The following MRRF variants were observed in gnomAD, a reference collection of about 807,000 sequenced individuals.
MRRF encodes the protein mitochondrial ribosome recycling factor, also known as ribosome-recycling factor, mitochondrial.
In MRRF, 18 loss-of-function variants were observed where a neutral mutation model predicts 25.1. The observed-to-expected ratio is 0.72, with a 90% CI of 0.50 to 1.06. The LOEUF (loss-of-function observed/expected upper bound fraction) is 1.06. Ranked by LOEUF, MRRF falls within the 50% of genes least tolerant of loss-of-function variation. The pLI, the probability that MRRF is intolerant of heterozygous loss-of-function variation, is 0.00. For missense variants in MRRF, 323 were observed against 319.3 expected (o/e 1.01, Z -0.09); for synonymous variants, 113 against 112.1 (o/e 1.01, Z -0.05).
intron 1 of MRRF, among the ~76,000 whole-genome samples, chr9:122,269,846 A>G (rs1441363738): frequency 6.6e-6 from 1 of 152,248 alleles, no homozygotes; most frequent in Non-Finnish European, 1.5e-5. Context: ...CTTTACTTGC[A>G]TAACCTCATT....
chr9:122,290,305 T>C (rs971300764), intron 4 of MRRF, among the ~76,000 whole-genome samples: 1 of 152,126 alleles, frequency 6.6e-6, no homozygotes, highest in African/African-American at 2.4e-5. Flanking sequence ...ATTCTACAAG[T>C]TCCTCTTCAC....
rs375196519 is a variant in MRRF, at chr9:122,315,956, A to T, written c.711+2570A>T. On this transcript the variant is annotated intron_variant, in intron 6 of 6. Coordinates refer to ENST00000344641, the MANE Select transcript of MRRF (RefSeq NM_138777.5). ...CTTTTCGCCATCCTCTTCAGATTAAATTTTTTTTCTTTAGTGCTTCTTACT... is the reference window on the plus strand; with the variant it reads ...CTTTTCGCCATCCTCTTCAGATTAATTTTTTTTTCTTTAGTGCTTCTTACT... 2.3e-3 allele frequency among the ~76,000 whole-genome samples: 349 copies of T among 151,744 alleles called. 1 individual carries two copies. The highest frequency in any genetic ancestry group is 7.8e-3 in the African/African-American group (322 of 41,386).
chr9:122,285,448 A>G, intron 4 of MRRF, 161 bp downstream of exon 4: 1 of 702,700 alleles, frequency 1.4e-6, no homozygotes, highest in Non-Finnish European at 2.6e-6. Flanking sequence ...CTGTTGCCAG[A>G]TTCCTTTTCT....
At chr9:122,315,137 TAC>T (rs1490759691) in intron 6 of MRRF, among the ~76,000 whole-genome samples, 1 of 152,172 alleles carries the variant, frequency 6.6e-6, no homozygotes, top group Non-Finnish European at 1.5e-5. Flanking sequence ...CATTTTCTGA[TAC>T]AGTAGCTCTG....
chr9:122,298,632 A>AG (rs1834238609), intron 5 of MRRF, among the ~76,000 whole-genome samples: 1 of 152,218 alleles, frequency 6.6e-6, no homozygotes, highest in East Asian at 1.9e-4. Context: ...TAAAACTTCT[A>AG]GGACATTCGT....
intron 3 of MRRF, among the ~76,000 whole-genome samples, chr9:122,284,798 T>C (rs1344168163): frequency 2.6e-5 from 4 of 152,178 alleles, no homozygotes; most frequent in African/African-American, 9.7e-5. Context: ...TTATTATTAT[T>C]ATTTTGAGAC....
In MRRF at chr9:122,295,914, A is replaced by T. The variant is rs151178885; in HGVS notation, c.551+4074A>T. 2.4e-4 allele frequency among the ~76,000 whole-genome samples: 37 copies of T among 152,294 alleles called. No individual in the cohort carries two copies. In the East Asian group the frequency reaches 6.7e-3, roughly 28 times the overall value. ...TTTATTTTCAATTGAAGCAGATCTCACCTATTACCTCACCCTCATTACATT... is the reference window on the plus strand; with the variant it reads ...TTTATTTTCAATTGAAGCAGATCTCTCCTATTACCTCACCCTCATTACATT... On this transcript the variant is annotated intron_variant, in intron 5 of 6. Coordinates refer to ENST00000344641, the MANE Select transcript of MRRF (RefSeq NM_138777.5).
intron 5 of MRRF, among the ~76,000 whole-genome samples, chr9:122,306,105 G>A (rs1046943622): frequency 2.0e-5 from 3 of 152,172 alleles, no homozygotes; most frequent in Non-Finnish European, 4.4e-5. Flanking sequence ...GCCTGGGCTT[G>A]TAGCCACTAT....
At chr9:122,320,404 A>T (rs547430182) in intron 6 of MRRF, among the ~76,000 whole-genome samples, 1 of 152,274 alleles carries the variant, frequency 6.6e-6, no homozygotes, top group South Asian at 2.1e-4. Flanking sequence ...CCCTCCTCCC[A>T]GTCCCCATCC....
At chr9:122,269,309 G>T (rs1587998440) in intron 1 of MRRF, among the ~76,000 whole-genome samples, 3 of 152,208 alleles carry the variant, frequency 2.0e-5, no homozygotes, top group Middle Eastern at 6.8e-3. Context: ...GGAAAGTGAT[G>T]CTCAGAAAAG....
At position 122,280,569 on chromosome 9, in the gene MRRF, A is replaced by G. The variant is rs778095722; in HGVS notation, c.311A>G (p.Asn104Ser). 46 of 1,613,986 alleles carry G rather than the reference A, an allele frequency of 2.9e-5. No homozygotes were observed. Among genetic ancestry groups the G allele is most frequent in the East Asian group, 4.5e-5 (2 of 44,890 alleles). ...ATAGAAGCTCTCAAGGATAATTTCAATAAGACTCTCAATATAAGGACCTCA... is the reference window on the plus strand; with the variant it reads ...ATAGAAGCTCTCAAGGATAATTTCAGTAAGACTCTCAATATAAGGACCTCA... The part of the protein sequence containing the change: ...SVIEALKDNF[N>S]KTLNIRTSPG... Residue 104 changes from asparagine (N) to serine (S), a missense_variant, in exon 3 of 7, where the codon AAT becomes AGT. By Grantham distance (46) the Asn-to-Ser change is conservative. Coordinates refer to ENST00000344641, the MANE Select transcript of MRRF (RefSeq NM_138777.5).
chr9:122,322,439 A>ATTATTAT, intron 6 of MRRF, 101 bp from the exon 7 acceptor site: 1 of 1,024,504 alleles, frequency 9.8e-7, no homozygotes. Context: ...TTTTGTCACT[A>ATTATTAT]TTATTATTTC....
intron 1 of MRRF, among the ~76,000 whole-genome samples, chr9:122,268,419 C>T (rs1318492380): frequency 2.0e-5 from 3 of 152,202 alleles, no homozygotes; most frequent in Admixed American, 1.3e-4. Context: ...ATAAAATCTA[C>T]TCATTATTCT....
intron 1 of MRRF, among the ~76,000 whole-genome samples, chr9:122,266,885 A>G (rs1214037472): frequency 3.3e-5 from 5 of 151,776 alleles, no homozygotes; most frequent in African/African-American, 1.2e-4. Context: ...CATCCTGGCT[A>G]ACACGGTGAA....
chr9:122,265,485 T>G (rs1832008714), intron 1 of MRRF: 2 of 328,512 alleles, frequency 6.1e-6, no homozygotes, highest in South Asian at 2.4e-5. Context: ...CCTGAGAGTT[T>G]GACCGATTTA....
chr9:122,280,709 A>T, intron 3 of MRRF, 111 bp downstream of exon 3: 1 of 1,000,390 alleles, frequency 1.0e-6, no homozygotes, highest in Non-Finnish European at 1.6e-6. Context: ...GGCCATGGGC[A>T]GTTACTTTGC....
chr9:122,325,685 T>TGTGTGTGTGTGTGTGTGTGTG lies in MRRF; in HGVS notation c.*3068_*3069insGTGTGTGTGTGTGTGTGTGTG, dbSNP rs1564522615. Reference sequence around the variant, plus strand: ...GTGTGTGTGTGTGTGTGTGTGTGTGTTGGAAATTACAAAATAAGTTGGAAT... The same window carrying TGTGTGTGTGTGTGTGTGTGTG: ...GTGTGTGTGTGTGTGTGTGTGTGTGTGTGTGTGTGTGTGTGTGTGTGTGGAAATTACAAAATAAGTTGGAAT... On this transcript the variant is annotated 3_prime_UTR_variant, in exon 7 of 7. Coordinates refer to ENST00000344641, the MANE Select transcript of MRRF (RefSeq NM_138777.5). The TGTGTGTGTGTGTGTGTGTGTG allele has an allele frequency of 8.4e-6, 1 of 119,084 alleles. No homozygotes were observed. The highest frequency in any genetic ancestry group is 1.7e-5 in the Non-Finnish European group (1 of 57,166). 7.4% of individuals were successfully genotyped at this position (119,084 alleles called of 1,614,324 possible). A position where few individuals can be genotyped will look rare whatever the true frequency, so the allele number is the denominator to read the frequency against.
chr9:122,288,681 G>A (rs765905341), intron 4 of MRRF, among the ~76,000 whole-genome samples: 1 of 152,210 alleles, frequency 6.6e-6, no homozygotes, highest in Non-Finnish European at 1.5e-5. Context: ...GGGATATGAA[G>A]AAAATGGAAG....
In MRRF at chr9:122,291,735, G is replaced by T. The variant is rs1833783671; in HGVS notation, c.460-14G>T. ...TATTTACTAATTCTGTTTACCTTTT[G>T]ATCTGGTTTTCAGTGTACAGCTGCA... is the stretch of plus-strand genomic sequence containing the variant. On this transcript the variant is annotated splice_polypyrimidine_tract_variant and intron_variant, in intron 4 of 6. Transcript: ENST00000344641. 2 of 1,583,074 alleles carry T rather than the reference G, an allele frequency of 1.3e-6. No individual in the cohort carries two copies. The highest frequency in any genetic ancestry group is 1.3e-5 in the African/African-American group (1 of 74,382).
Sources: gnomAD v4.1 joint callset for allele counts (sites outside exome capture counted in the v4.1 genomes callset) on GRCh38, gnomAD v4.1.1 for gene constraint, MANE v1.5 for transcripts, NCBI Gene and HGNC (gene_info 2026-07-23, HGNC 2026-07-21) for gene names.